The following CNTNAP2 variants were observed in gnomAD, a reference collection of about 807,000 sequenced individuals.
CNTNAP2 encodes the protein contactin associated protein 2.
Under a neutral mutation model 155.2 loss-of-function variants are expected in CNTNAP2, and 98 were observed. The ratio of observed to expected loss-of-function variants is 0.63; its 90% confidence interval spans 0.54 to 0.75. The LOEUF is 0.75. Among genes scored for constraint, CNTNAP2 ranks in the 30% least tolerant of loss-of-function variants. The pLI is 0.00. For missense variants in CNTNAP2, 1,727 were observed against 1,688.1 expected (o/e 1.02, Z -0.40); for synonymous variants, 651 against 631.2 (o/e 1.03, Z -0.47).
chr7:146,422,013 G>C (rs2129114109), intron 1 of CNTNAP2, among the ~76,000 whole-genome samples: 1 of 151,708 alleles, frequency 6.6e-6, no homozygotes, highest in South Asian at 2.1e-4. Context: ...TTCAACAAAA[G>C]TGATACCAGT....
intron 1 of CNTNAP2, among the ~76,000 whole-genome samples, chr7:146,663,936 T>C (rs1250455395): frequency 6.6e-6 from 1 of 152,168 alleles, no homozygotes; most frequent in East Asian, 1.9e-4. Context: ...CCTCCCTGCT[T>C]TCTTCCCAGT....
rs556409648 is a variant in CNTNAP2 at position 146,839,643 on chromosome 7, T to C, written c.209-68T>C. On this transcript the variant is annotated intron_variant, in intron 2 of 23. Transcript: ENST00000361727. The stretch of plus-strand genomic sequence containing the variant: ...AGACCAATTAAGATATGTAGAATAT[T>C]CCATTGTCAGTTGTACAAGTTCAAA... The C allele has an allele frequency of 1.4e-5, 22 of 1,533,182 alleles. No individual in the cohort carries two copies. In the South Asian group the frequency reaches 2.4e-4, roughly 17 times the overall value. The allele number at this position is 1,533,182 out of a possible 1,614,324, so 95.0% of individuals were successfully genotyped here.
chr7:147,476,168 C>G (rs1037166728), intron 10 of CNTNAP2, among the ~76,000 whole-genome samples: 1 of 151,952 alleles, frequency 6.6e-6, no homozygotes, highest in Admixed American at 6.6e-5. Context: ...TGCAGTGGCA[C>G]GATCTCGGCT....
chr7:146,717,775 A>T (rs1325176760), intron 1 of CNTNAP2, among the ~76,000 whole-genome samples: 1 of 152,030 alleles, frequency 6.6e-6, no homozygotes, highest in Non-Finnish European at 1.5e-5. Flanking sequence ...TTTTTGTGCC[A>T]GGGACGCCAC....
chr7:147,978,579 A>T (rs1002448966), intron 15 of CNTNAP2, among the ~76,000 whole-genome samples: 1 of 152,056 alleles, frequency 6.6e-6, no homozygotes, highest in Non-Finnish European at 1.5e-5. Context: ...AGTGGGAGGT[A>T]AGGGAGTTGG....
At chr7:147,866,666 A>G (rs58883117) in intron 13 of CNTNAP2, among the ~76,000 whole-genome samples, 1,691 of 151,560 alleles carry the variant, frequency 0.011, 45 homozygotes, top group African/African-American at 0.038. Context: ...TGCTCCCTTT[A>G]CCATTATGAA....
At chr7:146,122,373 A>C (rs1177739655) in intron 1 of CNTNAP2, among the ~76,000 whole-genome samples, 1 of 152,202 alleles carries the variant, frequency 6.6e-6, no homozygotes, top group Non-Finnish European at 1.5e-5. Flanking sequence ...TCACACATTT[A>C]AGCCTTATTC....
chr7:148,052,104 A>C (rs1176924398), intron 15 of CNTNAP2, among the ~76,000 whole-genome samples: 1 of 145,986 alleles, frequency 6.8e-6, no homozygotes, highest in Non-Finnish European at 1.5e-5. Context: ...GCACCACTGC[A>C]CTCCAGCCTG....
At chr7:146,441,774 T>C (rs1012674704) in intron 1 of CNTNAP2, among the ~76,000 whole-genome samples, 12 of 151,524 alleles carry the variant, frequency 7.9e-5, no homozygotes, top group African/African-American at 2.9e-4. Flanking sequence ...CTCCTGGGTC[T>C]CCAGCTGGAG....
chr7:147,319,373 A>G (rs908225484), intron 9 of CNTNAP2, among the ~76,000 whole-genome samples: 14 of 152,238 alleles, frequency 9.2e-5, no homozygotes, highest in African/African-American at 3.4e-4. Context: ...GCACTTATAT[A>G]TAAGTAATGT....
At chr7:147,247,124 T>C (rs533741100) in intron 8 of CNTNAP2, among the ~76,000 whole-genome samples, 20 of 152,316 alleles carry the variant, frequency 1.3e-4, no homozygotes, top group African/African-American at 4.8e-4. Context: ...TTGAAATCAA[T>C]AATCCAGCTA....
At chr7:147,511,095 G>A (rs2116689497) in intron 11 of CNTNAP2, among the ~76,000 whole-genome samples, 1 of 151,868 alleles carries the variant, frequency 6.6e-6, no homozygotes, top group East Asian at 1.9e-4. Flanking sequence ...ATATATATAT[G>A]TGAGGAAGCA....
intron 13 of CNTNAP2, among the ~76,000 whole-genome samples, chr7:147,657,559 C>T (rs1293109324): frequency 1.3e-5 from 2 of 151,598 alleles, no homozygotes; most frequent in Admixed American, 1.3e-4. Flanking sequence ...CTAGTTTCAC[C>T]TTAATATAGA....
rs1431726957 is a variant in CNTNAP2, at chr7:147,225,942, GGAAAGGAAGAAAGAGA to G, written c.1349-74177_1349-74162del. ...AGGAAAGAAGGAAGGAAAGAAGGAA[GGAAAGGAAGAAAGAGA>G]GAAAGGAAGAAAGAGAGAAAGAAAG... On this transcript the variant is annotated intron_variant, in intron 8 of 23. Coordinates refer to ENST00000361727, the MANE Select transcript of CNTNAP2 (RefSeq NM_014141.6). Among the ~76,000 whole-genome samples the G allele has an allele frequency of 7.6e-5, 11 of 144,124 alleles. No individual in the cohort carries two copies. The East Asian group carries it at 1.0e-3, about 13-fold the overall frequency. The allele number at this position is 144,124 out of a possible 152,430, so 94.6% of individuals were successfully genotyped here. A position where few individuals can be genotyped will look rare whatever the true frequency, so the allele number is the denominator to read the frequency against.
intron 8 of CNTNAP2, among the ~76,000 whole-genome samples, chr7:147,168,385 G>A (rs894655028): frequency 9.2e-5 from 14 of 151,892 alleles, no homozygotes; most frequent in African/African-American, 3.1e-4. Context: ...AATGGAAGCA[G>A]TTGCTATAGT....
chr7:146,721,776 TCTATATATAGTCTACATATATAGA>T lies in CNTNAP2; in HGVS notation c.98-52480_98-52457del, dbSNP rs1388725157. 5.7e-5 allele frequency among the ~76,000 whole-genome samples: 7 copies of T among 123,588 alleles called. 1 individual carries two copies. The highest frequency in any genetic ancestry group is 1.1e-4 in the African/African-American group (3 of 27,890). 81.1% of individuals were successfully genotyped at this position (123,588 alleles called of 152,430 possible). A position where few individuals can be genotyped will look rare whatever the true frequency, so the allele number is the denominator to read the frequency against. On this transcript the variant is annotated intron_variant, in intron 1 of 23. Transcript: ENST00000361727. ...TTCTATATATAGTCTACATATATAT[TCTATATATAGTCTACATATATAGA>T]CTATATATAGTCTATATATGTAGAC...
chr7:147,040,705 C>A (rs10260544), intron 3 of CNTNAP2, among the ~76,000 whole-genome samples: 24,222 of 151,860 alleles, frequency 0.16, 3,278 homozygotes, highest in African/African-American at 0.36. Flanking sequence ...AAGCGATCAG[C>A]CCACCTTGGT....
chr7:147,640,776 C>G (rs1795258954), intron 13 of CNTNAP2, among the ~76,000 whole-genome samples: 1 of 152,076 alleles, frequency 6.6e-6, no homozygotes, highest in African/African-American at 2.4e-5. Flanking sequence ...CATACAGAGA[C>G]AGAGAGAGGA....
chr7:147,887,025 CTATT>C (rs1799611126), intron 13 of CNTNAP2, among the ~76,000 whole-genome samples: 1 of 152,182 alleles, frequency 6.6e-6, no homozygotes, highest in Non-Finnish European at 1.5e-5. Flanking sequence ...AATAGTTCCT[CTATT>C]TACTGTTGCC....
Sources: allele counts gnomAD v4.1 joint callset (sites outside exome capture counted in the v4.1 genomes callset), GRCh38; gene constraint gnomAD v4.1.1; transcripts MANE v1.5; gene names NCBI Gene and HGNC (gene_info 2026-07-23, HGNC 2026-07-21).